The following RARB variants were observed in gnomAD, a reference collection of about 807,000 sequenced individuals.
RARB encodes the protein HBV-activated protein.
Under a neutral mutation model 51.9 loss-of-function variants are expected in RARB, and 17 were observed. The ratio of observed to expected loss-of-function variants is 0.33; its 90% confidence interval spans 0.22 to 0.49. RARB has a LOEUF of 0.49. RARB is among the 20% of genes least tolerant of loss of function. The pLI, the probability that RARB is intolerant of heterozygous loss-of-function variation, is 0.99. For missense variants in RARB, 369 were observed against 550.8 expected, an observed-to-expected ratio of 0.67 and a Z score of 3.30; for synonymous variants, 215 against 195.4, an observed-to-expected ratio of 1.10 and a Z score of -0.84.
At chr3:25,211,360 C>T (rs749223247) in intron 5 of RARB, among the ~76,000 whole-genome samples, 4 of 151,998 alleles carry the variant, frequency 2.6e-5, no homozygotes, top group East Asian at 1.9e-4. Flanking sequence ...TCTACAAAGA[C>T]GCAGGAAAGA....
At chr3:25,335,257 C>G (rs1341132837) in intron 5 of RARB, among the ~76,000 whole-genome samples, 3 of 136,470 alleles carry the variant, frequency 2.2e-5, no homozygotes. Flanking sequence ...AGTTATCACT[C>G]TCTTATGTCT....
intron 1 of RARB, among the ~76,000 whole-genome samples, chr3:24,845,446 C>G (rs1250733602): frequency 1.3e-5 from 2 of 152,128 alleles, no homozygotes; most frequent in Non-Finnish European, 1.5e-5. Flanking sequence ...CTAGGTTGCT[C>G]TGGGTATTGA....
intron 2 of RARB, among the ~76,000 whole-genome samples, chr3:24,877,897 T>A (rs542061238): frequency 6.6e-6 from 1 of 152,306 alleles, no homozygotes; most frequent in East Asian, 1.9e-4. Context: ...GATTTTCCTG[T>A]TTCTTTTCAA....
chr3:25,037,737 A>AT (rs1238798021), intron 2 of RARB, among the ~76,000 whole-genome samples: 2 of 152,048 alleles, frequency 1.3e-5, no homozygotes, highest in Non-Finnish European at 2.9e-5. Flanking sequence ...TAGAGCTTAT[A>AT]TATAGTGAAG....
chr3:25,136,676 C>T (rs966700485), intron 4 of RARB, among the ~76,000 whole-genome samples: 2 of 151,912 alleles, frequency 1.3e-5, no homozygotes, highest in Non-Finnish European at 2.9e-5. Flanking sequence ...TAATAATACA[C>T]GTTAGAAGCA....
At chr3:25,380,100 C>T (rs555798166) in intron 5 of RARB, among the ~76,000 whole-genome samples, 12 of 152,138 alleles carry the variant, frequency 7.9e-5, no homozygotes, top group Non-Finnish European at 1.6e-4. Flanking sequence ...CAAGAATTTC[C>T]TATTATATCA....
intron 5 of RARB, among the ~76,000 whole-genome samples, chr3:25,298,534 T>C (rs1486026150): frequency 6.6e-6 from 1 of 152,166 alleles, no homozygotes; most frequent in Non-Finnish European, 1.5e-5. Flanking sequence ...TGTGTGTCTG[T>C]GTTTCAGAAT....
chr3:25,185,733 G>T (rs1468307064), intron 5 of RARB, among the ~76,000 whole-genome samples: 1 of 152,166 alleles, frequency 6.6e-6, no homozygotes, highest in East Asian at 1.9e-4. Flanking sequence ...ATTGACTTCT[G>T]TCCTGACTTT....
intron 5 of RARB, among the ~76,000 whole-genome samples, chr3:25,229,735 A>G (rs1400387103): frequency 1.4e-5 from 2 of 144,296 alleles, no homozygotes; most frequent in African/African-American, 2.6e-5. Flanking sequence ...TAAATTGAGC[A>G]TTCAAGATTA....
intron 2 of RARB, among the ~76,000 whole-genome samples, chr3:24,922,318 GA>G (rs1695233063): frequency 6.6e-6 from 1 of 152,216 alleles, no homozygotes; most frequent in Non-Finnish European, 1.5e-5. Flanking sequence ...AGATGTTAAT[GA>G]TGGAGATTTT....
chr3:25,524,978 C>A lies in RARB; in HGVS notation c.448+23655C>A, dbSNP rs565450129. Among the ~76,000 whole-genome samples, 26 of 152,300 alleles carry A rather than the reference C, an allele frequency of 1.7e-4. 1 individual carries two copies. The South Asian group carries it at 4.1e-3, about 24-fold the overall frequency. ...TCCTGACCTCAGGTGATCCACCCCC[C>A]TCAGCCTCCCAAAGTGCTGGGATTA... On this transcript the variant is annotated intron_variant, in intron 3 of 7. Transcript: ENST00000330688.
intron 3 of RARB, among the ~76,000 whole-genome samples, chr3:25,098,045 T>G (rs1365845208): frequency 6.6e-6 from 1 of 152,168 alleles, no homozygotes. Flanking sequence ...GTTTTACTTT[T>G]TACTGAAATA....
intron 5 of RARB, among the ~76,000 whole-genome samples, chr3:25,271,754 G>C (rs1703262557): frequency 6.6e-6 from 1 of 151,972 alleles, no homozygotes; most frequent in Non-Finnish European, 1.5e-5. Context: ...ATACACTAAA[G>C]CACTTTAAAA....
intron 5 of RARB, among the ~76,000 whole-genome samples, chr3:25,213,287 T>G (rs1382384710): frequency 6.6e-6 from 1 of 152,198 alleles, no homozygotes; most frequent in East Asian, 1.9e-4. Flanking sequence ...CAGCTTTCTT[T>G]TGTACACTAC....
At chr3:25,379,312 T>G (rs1706557905) in intron 5 of RARB, among the ~76,000 whole-genome samples, 1 of 151,766 alleles carries the variant, frequency 6.6e-6, no homozygotes, top group Non-Finnish European at 1.5e-5. Context: ...AGGTGAGGAG[T>G]CCACATCTTT....
chr3:25,539,168 C>T (rs1699262797), intron 3 of RARB, among the ~76,000 whole-genome samples: 1 of 152,170 alleles, frequency 6.6e-6, no homozygotes, highest in Admixed American at 6.5e-5. Flanking sequence ...CTGCATAGAA[C>T]TTTAAGGTTT....
chr3:24,907,730 GA>G (rs887173536), intron 2 of RARB, among the ~76,000 whole-genome samples: 18 of 151,466 alleles, frequency 1.2e-4, no homozygotes, highest in Non-Finnish European at 1.3e-4. Context: ...AATCTTACTT[GA>G]AAAAAAAGAT....
chr3:25,309,480 T>C (rs1704234904), intron 5 of RARB, among the ~76,000 whole-genome samples: 1 of 131,056 alleles, frequency 7.6e-6, no homozygotes, highest in African/African-American at 2.9e-5. Flanking sequence ...TAACATCTCA[T>C]AGTTGCTTTT....
chr3:25,104,648 G>C (rs1482882656), intron 3 of RARB, among the ~76,000 whole-genome samples: 1 of 151,786 alleles, frequency 6.6e-6, no homozygotes, highest in Non-Finnish European at 1.5e-5. Context: ...CATCACAAAA[G>C]AGAAAAGAAA....
Sources: allele counts gnomAD v4.1 joint callset (sites outside exome capture counted in the v4.1 genomes callset), GRCh38; gene constraint gnomAD v4.1.1; transcripts MANE v1.5; gene names NCBI Gene and HGNC (gene_info 2026-07-23, HGNC 2026-07-21).